Variants in DAAM1 observed in about 807,000 individuals in gnomAD.
The protein encoded by DAAM1 is disheveled-associated activator of morphogenesis 1.
DAAM1 carries 52 observed loss-of-function variants against 130.0 expected under a neutral mutation model. The ratio of observed to expected loss-of-function variants is 0.40; its 90% CI spans 0.32 to 0.50. The LOEUF (loss-of-function observed/expected upper bound fraction) is 0.50. DAAM1 is among the 20% of genes least tolerant of loss of function. The pLI is 0.61. For missense variants in DAAM1, 1,134 were observed against 1,303.8 expected, an observed-to-expected ratio of 0.87 and a Z score of 2.01; for synonymous variants, 452 against 444.5, an observed-to-expected ratio of 1.02 and a Z score of -0.21.
At chr14:59,281,927 C>G (rs1883241353) in intron 2 of DAAM1, among the ~76,000 whole-genome samples, 1 of 152,102 alleles carries the variant, frequency 6.6e-6, no homozygotes, top group African/African-American at 2.4e-5. Flanking sequence ...TGCCTAGGCT[C>G]TCCCAGTTAT....
chr14:59,235,219 C>T (rs552469024), intron 1 of DAAM1, among the ~76,000 whole-genome samples: 19 of 152,180 alleles, frequency 1.2e-4, no homozygotes, highest in African/African-American at 4.1e-4. Context: ...GAAGGAATGG[C>T]ACCACCTCAT....
intron 1 of DAAM1, among the ~76,000 whole-genome samples, chr14:59,209,714 T>G (rs1051006195): frequency 5.9e-5 from 9 of 152,224 alleles, no homozygotes; most frequent in African/African-American, 2.2e-4. Flanking sequence ...CAGGTTGGTG[T>G]ATTAAATGTA....
At position 59,267,901 on chromosome 14, in the gene DAAM1, C is replaced by A. The variant is rs991607742; in HGVS notation, c.183+4241C>A. Among the ~76,000 whole-genome samples, 9 of 88,984 alleles carry A rather than the reference C, an allele frequency of 1.0e-4. No homozygotes were observed. The East Asian group carries it at 1.0e-3, about 10-fold the overall frequency. The allele number at this position is 88,984 out of a possible 152,430, so 58.4% of individuals were successfully genotyped here. Reference sequence around the variant, plus strand: ...TCCATTATGTGGATATACGCCCCCCCCTTTTTTTTTTTTTTTTTTGAGACA... The same window carrying A: ...TCCATTATGTGGATATACGCCCCCCACTTTTTTTTTTTTTTTTTTGAGACA... On this transcript the variant is annotated intron_variant, in intron 2 of 24. Transcript: ENST00000360909.
intron 1 of DAAM1, among the ~76,000 whole-genome samples, chr14:59,245,494 CTAAT>C (rs1425426575): frequency 6.6e-6 from 1 of 152,072 alleles, no homozygotes; most frequent in Non-Finnish European, 1.5e-5. Flanking sequence ...AAAATATTAC[CTAAT>C]TAGACACTTT....
intron 2 of DAAM1, among the ~76,000 whole-genome samples, chr14:59,284,622 A>G (rs1883361372): frequency 6.6e-6 from 1 of 152,114 alleles, no homozygotes. Context: ...TTAAGAAAGA[A>G]CCAAACTGAA....
At chr14:59,266,916 C>G (rs1003285798) in intron 2 of DAAM1, among the ~76,000 whole-genome samples, 1 of 152,146 alleles carries the variant, frequency 6.6e-6, no homozygotes, top group Non-Finnish European at 1.5e-5. Flanking sequence ...TAGTTGTTTC[C>G]TTACCTATAA....
At chr14:59,338,275 C>T (rs1446617265) in intron 15 of DAAM1, 4 of 1,085,030 alleles carry the variant, frequency 3.7e-6, no homozygotes, top group East Asian at 2.4e-5. Context: ...TCATCTCTTA[C>T]CCTACATCAC....
chr14:59,295,425 G>A (rs1883917349), intron 3 of DAAM1, among the ~76,000 whole-genome samples: 1 of 152,198 alleles, frequency 6.6e-6, no homozygotes, highest in African/African-American at 2.4e-5. Flanking sequence ...TGGAAGTTCA[G>A]CTAGTACTTT....
At chr14:59,275,549 AAGC>A (rs1882930817) in intron 2 of DAAM1, among the ~76,000 whole-genome samples, 1 of 152,156 alleles carries the variant, frequency 6.6e-6, no homozygotes, top group African/African-American at 2.4e-5. Context: ...GTTTAGAAAA[AAGC>A]TTATTTTAGA....
chr14:59,213,236 C>T (rs1049769795), intron 1 of DAAM1, among the ~76,000 whole-genome samples: 8 of 151,192 alleles, frequency 5.3e-5, no homozygotes, highest in Non-Finnish European at 1.0e-4. Flanking sequence ...CAAGGGAGAC[C>T]CCTCCCTTCC....
intron 2 of DAAM1, among the ~76,000 whole-genome samples, chr14:59,274,630 C>T (rs1474658351): frequency 6.6e-6 from 1 of 152,132 alleles, no homozygotes; most frequent in East Asian, 1.9e-4. Flanking sequence ...ATTACTGAAG[C>T]ATTACACATG....
At chr14:59,321,661 C>T (rs902925821) in intron 5 of DAAM1, among the ~76,000 whole-genome samples, 1 of 152,220 alleles carries the variant, frequency 6.6e-6, no homozygotes, top group Non-Finnish European at 1.5e-5. Context: ...AGCTTGGCTA[C>T]ATCTGGGTCA....
intron 12 of DAAM1, among the ~76,000 whole-genome samples, chr14:59,329,521 T>G (rs1215036241): frequency 6.6e-6 from 1 of 152,180 alleles, no homozygotes; most frequent in East Asian, 1.9e-4. Flanking sequence ...TTAAATGTGT[T>G]AGCAAATTCA....
At chr14:59,361,254 GT>G (rs1886693790) in intron 22 of DAAM1, among the ~76,000 whole-genome samples, 1 of 152,310 alleles carries the variant, frequency 6.6e-6, no homozygotes, top group South Asian at 2.1e-4. Flanking sequence ...CTTCTCAGTT[GT>G]TTTTGACTTG....
chr14:59,274,214 G>A (rs934872412), intron 2 of DAAM1, among the ~76,000 whole-genome samples: 23 of 152,172 alleles, frequency 1.5e-4, no homozygotes, highest in African/African-American at 5.5e-4. Flanking sequence ...TCCAAAAGCA[G>A]CTAGCTGTTT....
chr14:59,211,210 A>G (rs1888416319), intron 1 of DAAM1, among the ~76,000 whole-genome samples: 1 of 152,090 alleles, frequency 6.6e-6, no homozygotes, highest in African/African-American at 2.4e-5. Context: ...GATGATTGTA[A>G]TAATCCCAGT....
At chr14:59,263,839 G>T in intron 2 of DAAM1, 179 bp downstream of exon 2, 1 of 754,532 alleles carries the variant, frequency 1.3e-6, no homozygotes. Context: ...GGAAGAGTTA[G>T]AAGAGGGTAG....
Position 59,326,987 on chromosome 14 carries a change from A to G in DAAM1, c.1368A>G (p.Arg456=), listed in dbSNP as rs149199671. The G allele has an allele frequency of 2.2e-5, 36 of 1,613,850 alleles. No individual in the cohort carries two copies. Among genetic ancestry groups the G allele is most frequent in the African/African-American group, 4.0e-5 (3 of 74,922 alleles). The part of the protein sequence containing the change: ...KQWKEQAEKM[R]KEHNELQQKL... ...GGAAAGAACAAGCGGAAAAAATGAG[A>G]AAAGGTAAATAATGAGGCCCTGATA... is the stretch of plus-strand genomic sequence containing the variant. The change falls in exon 12 of 25, where the codon AGA becomes AGG. Residue 456 remains arginine (R), a synonymous_variant. Transcript: ENST00000360909.
At chr14:59,205,898 TTTTTTG>T (rs1186857990) in intron 1 of DAAM1, among the ~76,000 whole-genome samples, 4 of 152,052 alleles carry the variant, frequency 2.6e-5, no homozygotes, top group East Asian at 1.9e-4. Flanking sequence ...GGTGGTAAGT[TTTTTTG>T]TTTTTGTTTT....
Sources: gnomAD v4.1 joint callset for allele counts (sites outside exome capture counted in the v4.1 genomes callset) on GRCh38, gnomAD v4.1.1 for gene constraint, MANE v1.5 for transcripts, NCBI Gene and HGNC (gene_info 2026-07-23, HGNC 2026-07-21) for gene names.